Variants in PCLO observed in about 807,000 individuals in gnomAD.
PCLO encodes the protein protein piccolo.
In PCLO, 82 loss-of-function variants were observed where a neutral mutation model predicts 427.5. That is an observed-to-expected ratio of 0.19 (90% CI 0.16 to 0.23). PCLO has a LOEUF of 0.23. Among genes scored for constraint, PCLO ranks in the 10% least tolerant of loss-of-function variants. The pLI is 1.00. For missense variants in PCLO, 6,239 were observed against 6,115.9 expected, an observed-to-expected ratio of 1.02 and a Z score of -0.67; for synonymous variants, 2,357 against 2,155.4, an observed-to-expected ratio of 1.09 and a Z score of -2.59.
chr7:82,964,922 T>C (rs1444510747), intron 4 of PCLO, among the ~76,000 whole-genome samples: 1 of 152,156 alleles, frequency 6.6e-6, no homozygotes, highest in African/African-American at 2.4e-5. Flanking sequence ...TAGTTTCTAG[T>C]TGGAATTTTA....
intron 6 of PCLO, among the ~76,000 whole-genome samples, chr7:82,917,740 T>A (rs950409617): frequency 2.6e-5 from 4 of 152,096 alleles, no homozygotes; most frequent in African/African-American, 9.6e-5. Flanking sequence ...AGTTGCATAA[T>A]CTTTACAAGA....
At chr7:82,826,188 T>C (rs1452200186) in intron 18 of PCLO, among the ~76,000 whole-genome samples, 2 of 151,930 alleles carry the variant, frequency 1.3e-5, no homozygotes, top group Admixed American at 6.6e-5. Context: ...TCAGTGATTT[T>C]TCTCAGAATA....
chr7:82,951,453 T>C lies in PCLO; in HGVS notation c.9135A>G (p.Pro3045=), dbSNP rs751946645. 7 of 1,584,534 alleles carry C rather than the reference T, an allele frequency of 4.4e-6. No individual in the cohort carries two copies. Among genetic ancestry groups the C allele is most frequent in the Non-Finnish European group, 4.3e-6 (5 of 1,163,992 alleles). The change falls in exon 6 of 25, where the codon CCA becomes CCG. Residue 3045 remains proline, a synonymous_variant. Coordinates refer to ENST00000333891, the MANE Select transcript of PCLO (RefSeq NM_033026.6). ...AAATGACTTGTCGTGTTTCTGGATA[T>C]GGACCTGTAGTCTTGCTTGAATAAT... ...VMDYSSKTTG[P]YPETRQVISG...
intron 22 of PCLO, among the ~76,000 whole-genome samples, chr7:82,764,908 A>G (rs970172925): frequency 3.3e-5 from 5 of 151,918 alleles, no homozygotes; most frequent in African/African-American, 7.2e-5. Flanking sequence ...TTGAGACACT[A>G]TAATCAATAA....
chr7:82,773,468 C>T (rs1790686267), intron 22 of PCLO, among the ~76,000 whole-genome samples: 1 of 152,132 alleles, frequency 6.6e-6, no homozygotes, highest in Non-Finnish European at 1.5e-5. Flanking sequence ...CATCATTTCT[C>T]CCTCTTTGTC....
At chr7:83,036,405 A>G (rs971145452) in intron 3 of PCLO, among the ~76,000 whole-genome samples, 2 of 152,148 alleles carry the variant, frequency 1.3e-5, no homozygotes, top group Non-Finnish European at 2.9e-5. Context: ...AGATTGCTAA[A>G]GCTCTTGCAG....
At chr7:82,901,713 TCAAA>T (rs1471996407) in intron 9 of PCLO, among the ~76,000 whole-genome samples, 2 of 151,920 alleles carry the variant, frequency 1.3e-5, no homozygotes, top group African/African-American at 2.4e-5. Flanking sequence ...TACAACGAAC[TCAAA>T]CAAATTTACA....
chr7:82,795,361 T>C (rs1412790023), intron 22 of PCLO, among the ~76,000 whole-genome samples: 2 of 152,172 alleles, frequency 1.3e-5, no homozygotes, highest in Admixed American at 1.3e-4. Context: ...ATTTTTAATA[T>C]CTGATAAAAC....
chr7:83,028,855 G>A (rs893093429), intron 3 of PCLO, among the ~76,000 whole-genome samples: 4 of 151,794 alleles, frequency 2.6e-5, no homozygotes, highest in Non-Finnish European at 5.9e-5. Context: ...CAAGCAATGG[G>A]TAACGGATTC....
chr7:82,902,240 G>T (rs1584124321), intron 9 of PCLO, among the ~76,000 whole-genome samples: 1 of 151,424 alleles, frequency 6.6e-6, no homozygotes, highest in Non-Finnish European at 1.5e-5. Context: ...GGAATACTAT[G>T]CAGCCATAAA....
intron 3 of PCLO, among the ~76,000 whole-genome samples, chr7:83,082,147 G>C (rs920317422): frequency 6.6e-6 from 1 of 150,536 alleles, no homozygotes; most frequent in African/African-American, 2.4e-5. Context: ...ACACACATAT[G>C]TAAAATCCTC....
At chr7:82,889,426 A>G (rs571352427) in intron 9 of PCLO, among the ~76,000 whole-genome samples, 1 of 152,160 alleles carries the variant, frequency 6.6e-6, no homozygotes, top group Non-Finnish European at 1.5e-5. Context: ...CATGATATAA[A>G]ATTTGGCTTC....
At chr7:83,111,281 C>T (rs1026959990) in intron 3 of PCLO, among the ~76,000 whole-genome samples, 1 of 152,170 alleles carries the variant, frequency 6.6e-6, no homozygotes, top group African/African-American at 2.4e-5. Context: ...GGAATACACA[C>T]CTTGTTTAAT....
At position 82,915,254 on chromosome 7, in the gene PCLO, G is replaced by A. The variant is rs201114916; in HGVS notation, c.12732C>T (p.Gly4244=). 2.4e-5 allele frequency: 38 copies of A among 1,613,440 alleles called. No homozygotes were observed. The East Asian group carries it at 7.8e-4, about 33-fold the overall frequency. Residue 4244 remains glycine (G), a synonymous_variant, in exon 7 of 25, where the codon GGC becomes GGT. Coordinates refer to ENST00000333891, the MANE Select transcript of PCLO (RefSeq NM_033026.6). ...GTTGGTCTGTAATATTTTTTCTGAG[G>A]CCAAAAGTGATGTCATCTTGAAGGA... ...ARLLQDDITF[G]LRKNITDQQK...
chr7:82,898,402 AT>A (rs1205157207), intron 9 of PCLO, among the ~76,000 whole-genome samples: 1 of 151,384 alleles, frequency 6.6e-6, no homozygotes, highest in African/African-American at 2.4e-5. Context: ...TTTTGAAATT[AT>A]TTTTGTTTTC....
Position 82,915,978 on chromosome 7 carries a change from C to A in PCLO, c.12008G>T (p.Gly4003Val), listed in dbSNP as rs763719224. Residue 4003 changes from glycine to valine, a missense_variant, in exon 7 of 25, where the codon GGT becomes GTT. By Grantham distance (109) the Gly-to-Val change is moderately radical (BLOSUM62 -3). Coordinates refer to ENST00000333891, the MANE Select transcript of PCLO (RefSeq NM_033026.6). Reference sequence around the variant, plus strand: ...CAAGTCTAAACTATTGTACTTACTACCAAGATGGGAAACAGCAAATGTGTT... The same window carrying A: ...CAAGTCTAAACTATTGTACTTACTAACAAGATGGGAAACAGCAAATGTGTT... ...TDNTFAVSHL[G>V]SKYNSLDLRI... 5 of 1,612,878 alleles carry A rather than the reference C, an allele frequency of 3.1e-6. No homozygotes were observed. Among genetic ancestry groups the A allele is most frequent in the Non-Finnish European group, 4.2e-6 (5 of 1,179,800 alleles).
chr7:82,793,666 T>C (rs1791155343), intron 22 of PCLO, among the ~76,000 whole-genome samples: 1 of 152,198 alleles, frequency 6.6e-6, no homozygotes, highest in Admixed American at 6.5e-5. Flanking sequence ...CTCTTCATAT[T>C]TGATATTTGA....
chr7:82,836,747 G>A (rs1187054576), intron 15 of PCLO, among the ~76,000 whole-genome samples: 1 of 152,108 alleles, frequency 6.6e-6, no homozygotes, highest in Non-Finnish European at 1.5e-5. Context: ...GGCTCTCAGG[G>A]TTGACAAGAA....
chr7:82,796,036 A>G (rs1210174375), intron 22 of PCLO, among the ~76,000 whole-genome samples: 1 of 152,182 alleles, frequency 6.6e-6, no homozygotes, highest in Non-Finnish European at 1.5e-5. Context: ...AAAGTCTAAA[A>G]TATTCTGGGC....
Sources: gnomAD v4.1 joint callset for allele counts (sites outside exome capture counted in the v4.1 genomes callset) on GRCh38, gnomAD v4.1.1 for gene constraint, MANE v1.5 for transcripts, NCBI Gene and HGNC (gene_info 2026-07-23, HGNC 2026-07-21) for gene names.